Variants in LAMA3 observed in about 807,000 individuals in gnomAD.
LAMA3 encodes the protein laminin subunit alpha 3, also known as laminin subunit alpha-3.
A neutral mutation model predicts 402.0 loss-of-function variants in LAMA3; 281 were observed. The observed-to-expected ratio is 0.70, with a 90% CI of 0.63 to 0.77. The LOEUF is 0.77. Ranked by LOEUF, LAMA3 falls within the 30% of genes least tolerant of loss-of-function variation. The pLI, the probability that LAMA3 is intolerant of heterozygous loss-of-function variation, is 0.00. For synonymous variants in LAMA3, 1,431 were observed against 1,558.4 expected (o/e 0.92, Z 1.93); for missense variants, 3,840 against 4,215.5 (o/e 0.91, Z 2.47).
At chr18:23,948,975 G>A (rs780368809) in intron 70 of LAMA3, among the ~76,000 whole-genome samples, 3 of 152,122 alleles carry the variant, frequency 2.0e-5, no homozygotes, top group Non-Finnish European at 4.4e-5. Context: ...AGTTTTATTC[G>A]GTGAATCTCA....
At chr18:23,914,342 C>T (rs1209718291) in intron 56 of LAMA3, 68 bp from the exon 57 acceptor site, 1 of 1,556,910 alleles carries the variant, frequency 6.4e-7, no homozygotes, top group African/African-American at 1.4e-5. Context: ...AATGCATCCT[C>T]ATCCTCTTGG....
chr18:23,797,201 G>C (rs896166274), intron 12 of LAMA3, among the ~76,000 whole-genome samples: 12 of 152,160 alleles, frequency 7.9e-5, no homozygotes, highest in African/African-American at 2.2e-4. Flanking sequence ...TCTGGTAAGA[G>C]TTTGGGAGGA....
intron 51 of LAMA3, 69 bp downstream of exon 51, chr18:23,904,763 G>A (rs552164728): frequency 1.3e-5 from 20 of 1,491,608 alleles, no homozygotes; most frequent in Middle Eastern, 1.8e-4. Flanking sequence ...TTTTCTTTCC[G>A]TGGGCTCCAA....
In LAMA3 at chr18:23,901,176, T is replaced by C. The variant is rs1599043125; in HGVS notation, c.6054T>C (p.Asn2018=). The C allele has an allele frequency of 6.2e-7, 1 of 1,614,140 alleles. No individual in the cohort carries two copies. The highest frequency in any genetic ancestry group is 8.5e-7 in the Non-Finnish European group (1 of 1,180,024). The change falls in exon 48 of 75, where the codon AAT becomes AAC. Residue 2018 remains asparagine (N), a synonymous_variant. Coordinates refer to ENST00000313654, the MANE Select transcript of LAMA3 (RefSeq NM_198129.4). ...TWQKTHQGEN[N]GLANSIRDSL... ...AGAAAACCCACCAGGGGGAGAACAA[T>C]GGGCTTGCTAACAGTATCCGGGATT...
At chr18:23,757,883 G>C (rs1388740651) in intron 6 of LAMA3, among the ~76,000 whole-genome samples, 2 of 152,254 alleles carry the variant, frequency 1.3e-5, no homozygotes, top group Non-Finnish European at 2.9e-5. Flanking sequence ...AGCTGGCGCA[G>C]CCTCTGGAAG....
At chr18:23,871,797 A>G (rs1253221389) in intron 38 of LAMA3, 136 bp downstream of exon 38, 1 of 724,268 alleles carries the variant, frequency 1.4e-6, no homozygotes, top group East Asian at 2.7e-5. Flanking sequence ...GGCTTATCTT[A>G]TATCTTACTT....
intron 55 of LAMA3, among the ~76,000 whole-genome samples, chr18:23,909,844 A>G (rs1321993077): frequency 6.6e-6 from 1 of 152,230 alleles, no homozygotes; most frequent in Non-Finnish European, 1.5e-5. Flanking sequence ...ACAATTTCTT[A>G]TATTTTCCAA....
chr18:23,911,990 A>T (rs2081442424), intron 55 of LAMA3, among the ~76,000 whole-genome samples: 1 of 143,918 alleles, frequency 6.9e-6, no homozygotes, highest in African/African-American at 2.6e-5. Flanking sequence ...ATATATTAAA[A>T]TGTATATTTA....
intron 55 of LAMA3, among the ~76,000 whole-genome samples, 179 bp downstream of exon 55, chr18:23,909,474 A>G (rs2081361894): frequency 1.3e-5 from 2 of 152,196 alleles, no homozygotes; most frequent in Admixed American, 1.3e-4. Flanking sequence ...AGTGTACATG[A>G]CCTTCATCCT....
intron 17 of LAMA3, 84 bp from the exon 18 acceptor site, chr18:23,816,304 C>G (rs2063174203): frequency 1.0e-6 from 1 of 986,760 alleles, no homozygotes; most frequent in African/African-American, 1.6e-5. Context: ...CTGGGATGGT[C>G]AGTTTTCCTT....
chr18:23,780,818 A>C (rs1433180148), intron 11 of LAMA3, among the ~76,000 whole-genome samples: 2 of 152,218 alleles, frequency 1.3e-5, no homozygotes, highest in Non-Finnish European at 2.9e-5. Flanking sequence ...TCACATGTGA[A>C]GGACTTCGTA....
At chr18:23,758,357 CTT>C in intron 6 of LAMA3, 37 bp from the exon 7 acceptor site, 7 of 1,530,490 alleles carry the variant, frequency 4.6e-6, no homozygotes, top group Non-Finnish European at 6.3e-6. Flanking sequence ...CTCATCAAAA[CTT>C]TTCAATAACT....
chr18:23,915,200 C>A, intron 58 of LAMA3, 89 bp from the exon 59 acceptor site: 2 of 1,397,052 alleles, frequency 1.4e-6, no homozygotes, highest in Non-Finnish European at 2.0e-6. Flanking sequence ...AACCCTTATG[C>A]CATAGTGACT....
At chr18:23,779,279 GGAGAA>G (rs147832351) in intron 11 of LAMA3, among the ~76,000 whole-genome samples, 36,165 of 151,606 alleles carry the variant, frequency 0.24, 6,327 homozygotes, top group East Asian at 0.63. Context: ...GAAAATCTCA[GGAGAA>G]GAGAAGAGAA....
intron 30 of LAMA3, 67 bp downstream of exon 30, chr18:23,845,191 G>A: frequency 1.1e-6 from 1 of 919,194 alleles, no homozygotes; most frequent in Admixed American, 1.7e-5. Context: ...CCAGCTCGAG[G>A]CCCAGGGAGG....
chr18:23,754,975 G>C (rs2061817832), intron 6 of LAMA3, among the ~76,000 whole-genome samples: 1 of 152,202 alleles, frequency 6.6e-6, no homozygotes. Context: ...TCCTTGACCA[G>C]CCATAACCCT....
chr18:23,840,360 T>G (rs552860257), intron 27 of LAMA3, among the ~76,000 whole-genome samples: 66 of 151,548 alleles, frequency 4.4e-4, no homozygotes, highest in African/African-American at 1.4e-3. Context: ...GAATAGTTAT[T>G]GTAGCCAAGA....
chr18:23,870,292 G>GAC (rs2144805957), intron 37 of LAMA3, among the ~76,000 whole-genome samples: 1 of 151,894 alleles, frequency 6.6e-6, no homozygotes, highest in Admixed American at 6.6e-5. Context: ...GACAGAGCAA[G>GAC]ACTTTGTCTC....
At chr18:23,740,019 AGT>A (rs2061536450) in intron 2 of LAMA3, among the ~76,000 whole-genome samples, 1 of 152,190 alleles carries the variant, frequency 6.6e-6, no homozygotes, top group Non-Finnish European at 1.5e-5. Flanking sequence ...TCAGCAAAAA[AGT>A]GTGAATGAGA....
Sources: gnomAD v4.1 joint callset for allele counts (sites outside exome capture counted in the v4.1 genomes callset) on GRCh38, gnomAD v4.1.1 for gene constraint, MANE v1.5 for transcripts, NCBI Gene and HGNC (gene_info 2026-07-23, HGNC 2026-07-21) for gene names.